The following MTUS2 variants were observed in gnomAD, a reference collection of about 807,000 sequenced individuals.
The protein encoded by MTUS2 is microtubule associated scaffold protein 2, also known as microtubule-associated tumor suppressor candidate 2.
A neutral mutation model predicts 114.1 loss-of-function variants in MTUS2; 40 were observed. The observed-to-expected ratio is 0.35, with a 90% CI of 0.27 to 0.46. The LOEUF (loss-of-function observed/expected upper bound fraction) is 0.46, where lower values mean the gene tolerates loss of function less well. Among genes scored for constraint, MTUS2 ranks in the 20% least tolerant of loss-of-function variants. The pLI, the probability that MTUS2 is intolerant of heterozygous loss-of-function variation, is 1.00. For synonymous variants in MTUS2, 688 were observed against 672.0 expected, an observed-to-expected ratio of 1.02 and a Z score of -0.37; for missense variants, 1,679 against 1,705.4, an observed-to-expected ratio of 0.98 and a Z score of 0.27.
At chr13:29,491,921 TGTG>T (rs1006544444) in intron 11 of MTUS2, among the ~76,000 whole-genome samples, 8 of 139,296 alleles carry the variant, frequency 5.7e-5, no homozygotes, top group Admixed American at 5.0e-4. Context: ...GTGTATGTGA[TGTG>T]TGTGTGGTAG....
chr13:29,290,422 C>T (rs527289379), intron 6 of MTUS2, among the ~76,000 whole-genome samples: 210 of 152,180 alleles, frequency 1.4e-3, no homozygotes, highest in Non-Finnish European at 2.1e-3. Flanking sequence ...CTCCGCCTCC[C>T]GGGTTCACGC....
At chr13:29,404,542 C>T (rs770818828) in intron 8 of MTUS2, among the ~76,000 whole-genome samples, 3 of 152,086 alleles carry the variant, frequency 2.0e-5, no homozygotes, top group Non-Finnish European at 4.4e-5. Context: ...CTAACCTCAT[C>T]CCTCTCCACA....
rs770989237 is a variant in MTUS2, at chr13:29,033,969, A to G, written c.2290A>G (p.Met764Val). The G allele has an allele frequency of 3.0e-5, 48 of 1,613,902 alleles. No homozygotes were observed. Among genetic ancestry groups the G allele is most frequent in the African/African-American group, 4.0e-5 (3 of 74,946 alleles). Reference sequence around the variant, plus strand: ...CCCTCCAACTTTCTATCGGTCAGCCATGCTCCTTAAGCCCCAGCTAGGATT... The same window carrying G: ...CCCTCCAACTTTCTATCGGTCAGCCGTGCTCCTTAAGCCCCAGCTAGGATT... ...EVPPTFYRSA[M>V]LLKPQLGLGA... is the part of the protein sequence containing the mutation. Residue 764 changes from methionine (M) to valine (V), a missense_variant, in exon 4 of 16, where the codon ATG (methionine) becomes GTG (valine). Transcript: ENST00000612955.
chr13:29,389,519 GTGTATATATGTATACACGTGTGTATA>G lies in MTUS2; in HGVS notation c.3117+30053_3117+30078del, dbSNP rs1383093388. Among the ~76,000 whole-genome samples the G allele has an allele frequency of 8.1e-3, 422 of 51,872 alleles. 41 individuals are homozygous for G. Among genetic ancestry groups the G allele is most frequent in the Middle Eastern group, 0.014 (1 of 74 alleles). 34.0% of individuals were successfully genotyped at this position (51,872 alleles called of 152,430 possible). On this transcript the variant is annotated intron_variant, in intron 8 of 15. Coordinates refer to ENST00000612955, the MANE Select transcript of MTUS2 (RefSeq NM_001033602.4). ...TATATATGTATACACGTGTGTGTAT[GTGTATATATGTATACACGTGTGTATA>G]TGTATACACGTGTGTATATGTGTAC...
chr13:28,962,301 C>G (rs1883367965), intron 2 of MTUS2, among the ~76,000 whole-genome samples: 3 of 152,054 alleles, frequency 2.0e-5, no homozygotes, highest in Non-Finnish European at 4.4e-5. Context: ...TCTCCCCTCT[C>G]CCACACTGTT....
intron 6 of MTUS2, chr13:29,307,691 A>T (rs1899540888): frequency 8.8e-7 from 1 of 1,138,174 alleles, no homozygotes. Flanking sequence ...GCCCTCAACG[A>T]CCACTTTTTC....
chr13:29,016,765 T>C (rs326520), intron 2 of MTUS2, among the ~76,000 whole-genome samples: 58 of 152,134 alleles, frequency 3.8e-4, no homozygotes, highest in African/African-American at 1.1e-3. Flanking sequence ...ACCCATGTTA[T>C]GTACATAAGA....
At chr13:29,289,444 A>G (rs985584641) in intron 6 of MTUS2, among the ~76,000 whole-genome samples, 4 of 151,710 alleles carry the variant, frequency 2.6e-5, no homozygotes, top group Non-Finnish European at 4.4e-5. Flanking sequence ...ATGAAAGGAC[A>G]TAGAACAAAG....
chr13:28,922,469 C>T (rs1297862652), intron 2 of MTUS2, among the ~76,000 whole-genome samples: 1 of 150,142 alleles, frequency 6.7e-6, no homozygotes, highest in Admixed American at 6.6e-5. Context: ...CTTTAGCCTG[C>T]ACTGTCAAGG....
chr13:28,981,975 C>A (rs1445708643), intron 2 of MTUS2, among the ~76,000 whole-genome samples: 2 of 152,148 alleles, frequency 1.3e-5, no homozygotes, highest in African/African-American at 4.8e-5. Context: ...TTCTTGAATG[C>A]CCTAGGGATT....
intron 8 of MTUS2, among the ~76,000 whole-genome samples, chr13:29,394,968 CCCTGGTG>C (rs1434436886): frequency 6.6e-6 from 1 of 152,174 alleles, no homozygotes; most frequent in Non-Finnish European, 1.5e-5. Flanking sequence ...CGAAATCAGT[CCCTGGTG>C]CCAACAAGGT....
At chr13:29,080,688 T>G (rs1313284228) in intron 4 of MTUS2, among the ~76,000 whole-genome samples, 1 of 152,186 alleles carries the variant, frequency 6.6e-6, no homozygotes, top group African/African-American at 2.4e-5. Context: ...TGAGTCTGCC[T>G]TTCCCAGTCC....
intron 5 of MTUS2, among the ~76,000 whole-genome samples, chr13:29,112,831 G>T (rs1022062100): frequency 7.9e-5 from 12 of 152,118 alleles, no homozygotes; most frequent in African/African-American, 2.9e-4. Flanking sequence ...CTTCAAGGAG[G>T]TCATATCAGG....
intron 5 of MTUS2, among the ~76,000 whole-genome samples, chr13:29,184,248 A>G (rs1894126871): frequency 6.6e-6 from 1 of 152,190 alleles, no homozygotes; most frequent in African/African-American, 2.4e-5. Context: ...ACCCAACTCT[A>G]TTAATATATA....
intron 2 of MTUS2, among the ~76,000 whole-genome samples, chr13:28,895,732 C>T (rs1879227022): frequency 6.6e-6 from 1 of 152,148 alleles, no homozygotes; most frequent in Non-Finnish European, 1.5e-5. Context: ...GAAGCAGTAG[C>T]CCTCCACTGT....
intron 6 of MTUS2, among the ~76,000 whole-genome samples, chr13:29,321,882 C>T (rs1900269016): frequency 1.3e-5 from 2 of 152,100 alleles, no homozygotes; most frequent in South Asian, 2.1e-4. Flanking sequence ...GGGGTAATTC[C>T]ATGCATGCTG....
chr13:29,101,645 A>G (rs1329593246), intron 5 of MTUS2, among the ~76,000 whole-genome samples: 1 of 152,200 alleles, frequency 6.6e-6, no homozygotes, highest in African/African-American at 2.4e-5. Context: ...ACCAAACCCC[A>G]TCTCAGTCAC....
At chr13:29,236,753 C>G (rs1440794251) in intron 5 of MTUS2, among the ~76,000 whole-genome samples, 2 of 152,212 alleles carry the variant, frequency 1.3e-5, no homozygotes, top group Non-Finnish European at 2.9e-5. Flanking sequence ...AGGTGAGATG[C>G]TCCTGCCTTC....
Position 29,026,559 on chromosome 13 carries a change from G to GA in MTUS2, c.1867dup (p.Thr623AsnfsTer8). ...GGAGGGAATGGAGAACTATCAGGTT[G>GA]AAAAAACAGAGGAGAGGACAGAAAC... On this transcript the variant is annotated frameshift_variant, in exon 3 of 16. Transcript: ENST00000612955. LOFTEE classifies it high-confidence loss of function. 1 of 1,613,888 alleles carries GA rather than the reference G, an allele frequency of 6.2e-7. No homozygotes were observed. The highest frequency in any genetic ancestry group is 8.5e-7 in the Non-Finnish European group (1 of 1,179,822).
Sources: gnomAD v4.1 joint callset for allele counts (sites outside exome capture counted in the v4.1 genomes callset) on GRCh38, gnomAD v4.1.1 for gene constraint, MANE v1.5 for transcripts, NCBI Gene and HGNC (gene_info 2026-07-23, HGNC 2026-07-21) for gene names.